GGA3: variants seen among roughly 807,000 people sequenced by gnomAD.
GGA3 encodes golgi associated, gamma adaptin ear containing, ARF binding protein 3, also known as ADP-ribosylation factor-binding protein GGA3.
A neutral mutation model predicts 77.5 loss-of-function variants in GGA3; 57 were observed. That is an observed-to-expected ratio of 0.74 (90% confidence interval 0.59 to 0.92). GGA3 has a LOEUF of 0.92. Among genes scored for constraint, GGA3 ranks in the 40% least tolerant of loss-of-function variants. The probability of loss-of-function intolerance (pLI) is 0.00; values close to 1 mark genes in which losing one functional copy is unlikely to be tolerated. For missense variants in GGA3, 970 were observed against 914.9 expected (o/e 1.06, Z -0.78); for synonymous variants, 416 against 383.7 (o/e 1.08, Z -0.98).
At chr17:75,243,034 G>GA (rs1371266851) in intron 6 of GGA3, 29 bp downstream of exon 6, 1 of 1,568,172 alleles carries the variant, frequency 6.4e-7, no homozygotes, top group Non-Finnish European at 8.8e-7. Context: ...TCTCGTATGA[G>GA]AAAATCCCAG....
At chr17:75,238,815 A>T in intron 15 of GGA3, 53 bp from the exon 16 acceptor site, 1 of 1,568,918 alleles carries the variant, frequency 6.4e-7, no homozygotes, top group Non-Finnish European at 8.7e-7. Flanking sequence ...CCCAGATGGA[A>T]CCTGCAGTGC....
rs759866974 is a variant in GGA3 at position 75,241,415 on chromosome 17, G to C, written c.931C>G (p.Leu311Val). ...VINGEVATLT[L>V]PDSEGNSQCS... is the part of the protein sequence containing the mutation. ...AGCATCTCACCTTCCGAGTCAGGCA[G>C]GGTTAAGGTAGCCACCTCGCCATTG... The change falls in exon 10 of 17, where the codon CTG (leucine) becomes GTG (valine). Residue 311 changes from leucine to valine, a missense_variant. Transcript: ENST00000537686. The C allele has an allele frequency of 3.1e-6, 5 of 1,607,998 alleles. No individual in the cohort carries two copies. Among genetic ancestry groups the C allele is most frequent in the South Asian group, 1.1e-5 (1 of 90,944 alleles).
At chr17:75,248,641 C>T (rs1299185095) in intron 1 of GGA3, among the ~76,000 whole-genome samples, 1 of 151,446 alleles carries the variant, frequency 6.6e-6, no homozygotes, top group Non-Finnish European at 1.5e-5. Flanking sequence ...ACAGAATTAG[C>T]TGGGCATGGT....
In GGA3 at chr17:75,241,425, AG is replaced by A; in HGVS notation, c.920del (p.Ala307ValfsTer3). 1 of 1,612,204 alleles carries A rather than the reference AG, an allele frequency of 6.2e-7. No homozygotes were observed. The highest frequency in any genetic ancestry group is 8.5e-7 in the Non-Finnish European group (1 of 1,178,342). On this transcript the variant is annotated frameshift_variant, in exon 10 of 17. Coordinates refer to ENST00000537686, the MANE Select transcript of GGA3 (RefSeq NM_138619.4). LOFTEE classifies it high-confidence loss of function. ...CTTCCGAGTCAGGCAGGGTTAAGGT[AG>A]CCACCTCGCCATTGATGACCTGCCC... ...IEGQVINGEV[A>X]TLTLPDSEGN...
chr17:75,239,000 GT>G lies in GGA3; in HGVS notation c.1863del (p.Pro622LeufsTer11). 6.2e-7 allele frequency: 1 copy of G among 1,614,106 alleles called. No homozygotes were observed. Among genetic ancestry groups the G allele is most frequent in the Non-Finnish European group, 8.5e-7 (1 of 1,180,022 alleles). ...GACACCACCACCACCAGCACGTCAGGTCGTCCTGGGGGACACTCCTTGGCAA... is the reference window on the plus strand; with the variant it reads ...GACACCACCACCACCAGCACGTCAGGCGTCCTGGGGGACACTCCTTGGCAA... Reference protein sequence around the residue: ...FHFAKECPPGRPDVLVVVVSM... With the variant: ...FHFAKECPPGXPDVLVVVVSM... On this transcript the variant is annotated frameshift_variant, in exon 15 of 17. Coordinates refer to ENST00000537686, the MANE Select transcript of GGA3 (RefSeq NM_138619.4). LOFTEE classifies it high-confidence loss of function.
In GGA3 at chr17:75,239,891, G is replaced by GC; in HGVS notation, c.1480_1481insG (p.Pro494ArgfsTer4). On this transcript the variant is annotated frameshift_variant, in exon 13 of 17. Transcript: ENST00000537686. LOFTEE classifies it high-confidence loss of function. ...CCCAGGGACTGCGGGCTCAACTTTTGGGGCCAAGGCTGGGGCCACTCCAGT... is the reference window on the plus strand; with the variant it reads ...CCCAGGGACTGCGGGCTCAACTTTTGCGGGCCAAGGCTGGGGCCACTCCAGT... The GC allele has an allele frequency of 6.2e-7, 1 of 1,613,804 alleles. No individual in the cohort carries two copies.
intron 1 of GGA3, among the ~76,000 whole-genome samples, chr17:75,250,445 C>T (rs1385224581): frequency 6.6e-6 from 1 of 151,824 alleles, no homozygotes; most frequent in Non-Finnish European, 1.5e-5. Context: ...TCCAGCACGG[C>T]TCAAACATTC....
intron 2 of GGA3, 36 bp downstream of exon 2, chr17:75,246,676 C>G (rs1267920209): frequency 6.3e-7 from 1 of 1,599,326 alleles, no homozygotes; most frequent in South Asian, 1.1e-5. Context: ...TCCCAGTCCG[C>G]TCCCTCTCAG....
intron 3 of GGA3, among the ~76,000 whole-genome samples, chr17:75,245,258 G>C (rs1173744438): frequency 6.6e-6 from 1 of 152,186 alleles, no homozygotes; most frequent in African/African-American, 2.4e-5. Flanking sequence ...CGGTTTCTAA[G>C]GGGGAGTGCA....
In GGA3 at chr17:75,239,775, C is replaced by T; in HGVS notation, c.1583+14G>A. 6.2e-7 allele frequency: 1 copy of T among 1,612,804 alleles called. No homozygotes were observed. The highest frequency in any genetic ancestry group is 2.2e-5 in the East Asian group (1 of 44,878). On this transcript the variant is annotated intron_variant, in intron 13 of 16. Transcript: ENST00000537686. ...CCAACCCTCAGCAACCCCACATCTC[C>T]TCCCACTCATTACACTTTGGCCTCT... is the stretch of plus-strand genomic sequence containing the variant.
rs367837492 is a variant in GGA3 at position 75,239,457 on chromosome 17, A to T, written c.1698T>A (p.Ser566Arg). 1.9e-5 allele frequency: 30 copies of T among 1,580,766 alleles called. No individual in the cohort carries two copies. The highest frequency in any genetic ancestry group is 2.8e-5 in the African/African-American group (2 of 72,410). Residue 566 changes from serine (S) to arginine (R), a missense_variant, in exon 14 of 17, where the codon AGT becomes AGA. Transcript: ENST00000537686. ...TCGGGGGGCTGCCCTGGGACTGGAA[A>T]CTCAGTGGCTGGAAGAGCGGGCTGC... ...GPGSPLFQPL[S>R]FQSQGSPPKG...
chr17:75,249,074 C>T, intron 1 of GGA3: 1 of 863,252 alleles, frequency 1.2e-6, no homozygotes, highest in Non-Finnish European at 1.4e-6. Context: ...GAGATTGAGT[C>T]TCGCTGTGTC....
chr17:75,238,081 A>T lies in GGA3; in HGVS notation c.*198T>A, dbSNP rs771388612. The T allele has an allele frequency of 1.7e-5, 23 of 1,387,636 alleles. No homozygotes were observed. The highest frequency in any genetic ancestry group is 6.2e-5 in the Admixed American group (2 of 32,034). 86.0% of individuals were successfully genotyped at this position (1,387,636 alleles called of 1,614,324 possible). A position where few individuals can be genotyped will look rare whatever the true frequency, so the allele number is the denominator to read the frequency against. ...CCACTTCAAGTCACACAGGTAGATA[A>T]AAACAGGTCCTTTTAGGGGCCAAAG... On this transcript the variant is annotated 3_prime_UTR_variant, in exon 17 of 17. Transcript: ENST00000537686.
chr17:75,259,359 G>A (rs1172928817), intron 1 of GGA3, among the ~76,000 whole-genome samples: 1 of 152,106 alleles, frequency 6.6e-6, no homozygotes, highest in Non-Finnish European at 1.5e-5. Context: ...ATCATGGTGG[G>A]ACTTGAAAGA....
rs887870427 is a variant in GGA3, at chr17:75,240,610, G to A, written c.1193-198C>T. The A allele has an allele frequency of 1.3e-5, 9 of 682,462 alleles. No homozygotes were observed. The Admixed American group carries it at 1.7e-4, about 13-fold the overall frequency. The allele number at this position is 682,462 out of a possible 1,614,324, so 42.3% of individuals were successfully genotyped here. ...AGAAGCGGGGGGCCTGTGGGGCGGGGTGCAGGGCAGGAGGCAGAGTCCACC... is the reference window on the plus strand; with the variant it reads ...AGAAGCGGGGGGCCTGTGGGGCGGGATGCAGGGCAGGAGGCAGAGTCCACC... On this transcript the variant is annotated intron_variant, in intron 11 of 16. Coordinates refer to ENST00000537686, the MANE Select transcript of GGA3 (RefSeq NM_138619.4).
intron 12 of GGA3, 59 bp from the exon 13 acceptor site, chr17:75,240,167 A>ACGGGG: frequency 1.5e-6 from 2 of 1,334,954 alleles, no homozygotes; most frequent in South Asian, 2.6e-5. Context: ...TGCCGCTGGA[A>ACGGGG]CGGGGCGCAG....
intron 11 of GGA3, 69 bp from the exon 12 acceptor site, chr17:75,240,481 G>T: frequency 2.0e-6 from 2 of 1,012,674 alleles, no homozygotes; most frequent in Non-Finnish European, 3.0e-6. Context: ...CGCCTTGCCT[G>T]AGGAGGGGTC....
At chr17:75,258,360 T>G (rs1287259620) in intron 1 of GGA3, among the ~76,000 whole-genome samples, 1 of 152,200 alleles carries the variant, frequency 6.6e-6, no homozygotes, top group African/African-American at 2.4e-5. Context: ...GCCTGATAAC[T>G]GCAGAAATTT....
Position 75,244,672 on chromosome 17 carries a change from C to T in GGA3, c.247G>A (p.Glu83Lys), listed in dbSNP as rs149401512. 15 of 1,613,876 alleles carry T rather than the reference C, an allele frequency of 9.3e-6. No individual in the cohort carries two copies. The African/African-American group carries it at 1.1e-4, about 11-fold the overall frequency. ...TTCAAAAAGCGGAACTTCCCCACTTCGTTATGAAATCTCCTCCCACAGTTC... is the reference window on the plus strand; with the variant it reads ...TTCAAAAAGCGGAACTTCCCCACTTTGTTATGAAATCTCCTCCCACAGTTC... ...MKNCGRRFHN[E>K]VGKFRFLNEL... The change falls in exon 4 of 17, where the codon GAA (glutamate) becomes AAA (lysine). Residue 83 changes from glutamate to lysine, a missense_variant. Physicochemically the swap from Glu to Lys is moderately conservative, Grantham distance 56. Transcript: ENST00000537686.
Sources: gnomAD v4.1 joint callset for allele counts (sites outside exome capture counted in the v4.1 genomes callset) on GRCh38, gnomAD v4.1.1 for gene constraint, MANE v1.5 for transcripts, NCBI Gene and HGNC (gene_info 2026-07-23, HGNC 2026-07-21) for gene names.